NAV2: variants seen among roughly 807,000 people sequenced by gnomAD.
NAV2 encodes the protein neuron navigator 2.
Under a neutral mutation model 223.2 loss-of-function variants are expected in NAV2, and 54 were observed. The ratio of observed to expected loss-of-function variants is 0.24; its 90% CI spans 0.19 to 0.30. The LOEUF is 0.30. Ranked by LOEUF, NAV2 falls within the 10% of genes least tolerant of loss-of-function variation. The pLI is 1.00. For missense variants in NAV2, 2,806 were observed against 3,147.5 expected (o/e 0.89, Z 2.60); for synonymous variants, 1,279 against 1,239.3 (o/e 1.03, Z -0.67).
At chr11:19,974,804 G>T (rs1220540161) in intron 10 of NAV2, among the ~76,000 whole-genome samples, 1 of 152,214 alleles carries the variant, frequency 6.6e-6, no homozygotes, top group East Asian at 1.9e-4. Flanking sequence ...GTGTTGGGGG[G>T]AAGAGGGGAT....
chr11:20,068,264 C>A, intron 21 of NAV2, 55 bp downstream of exon 21: 1 of 1,609,826 alleles, frequency 6.2e-7, no homozygotes, highest in Non-Finnish European at 8.5e-7. Context: ...AATTATTTGA[C>A]CCTGCTCACC....
chr11:19,451,211 C>A (rs1851778364), intron 1 of NAV2, among the ~76,000 whole-genome samples: 1 of 152,118 alleles, frequency 6.6e-6, no homozygotes, highest in Non-Finnish European at 1.5e-5. Context: ...CCCCGTTGTT[C>A]CAAAACCGAG....
chr11:19,601,084 A>T (rs1198339994), intron 1 of NAV2, among the ~76,000 whole-genome samples: 1 of 152,142 alleles, frequency 6.6e-6, no homozygotes, highest in East Asian at 1.9e-4. Context: ...GCTATCTGTC[A>T]TCTCTGTACA....
intron 1 of NAV2, among the ~76,000 whole-genome samples, chr11:19,488,437 G>T (rs763189631): frequency 6.6e-6 from 1 of 152,132 alleles, no homozygotes; most frequent in Non-Finnish European, 1.5e-5. Context: ...CTAAAGCAGC[G>T]CATTATGAAT....
At chr11:19,620,380 T>G (rs1298314851) in intron 1 of NAV2, among the ~76,000 whole-genome samples, 1 of 152,254 alleles carries the variant, frequency 6.6e-6, no homozygotes, top group East Asian at 1.9e-4. Context: ...TATTGATTCT[T>G]CCTATCCGTG....
intron 6 of NAV2, among the ~76,000 whole-genome samples, chr11:19,929,822 G>A (rs912669355): frequency 3.3e-5 from 5 of 152,114 alleles, no homozygotes; most frequent in African/African-American, 9.7e-5. Context: ...GAGTCAGGGC[G>A]GGGAGTCTCT....
intron 10 of NAV2, among the ~76,000 whole-genome samples, chr11:19,976,921 A>G (rs898436419): frequency 6.6e-6 from 1 of 152,212 alleles, no homozygotes; most frequent in Non-Finnish European, 1.5e-5. Flanking sequence ...CTTGAGTGAC[A>G]TAAGGGAAGA....
intron 14 of NAV2, 32 bp downstream of exon 14, chr11:20,045,702 A>G: frequency 6.5e-7 from 1 of 1,529,206 alleles, no homozygotes; most frequent in Non-Finnish European, 9.0e-7. Context: ...GCAGAGCAGA[A>G]CCAGAATACA....
chr11:19,778,410 A>ATAT, intron 1 of NAV2: 1 of 454,960 alleles, frequency 2.2e-6, no homozygotes, highest in Non-Finnish European at 4.4e-6. Flanking sequence ...ATTGCCTGGC[A>ATAT]TATAAAAAGG....
chr11:19,351,115 T>C lies in NAV2; in HGVS notation c.75+88T>C, dbSNP rs1320081219. The C allele has an allele frequency of 4.6e-6, 6 of 1,297,570 alleles. No individual in the cohort carries two copies. In the South Asian group the frequency reaches 5.1e-5, roughly 11 times the overall value. The allele number at this position is 1,297,570 out of a possible 1,614,324, so 80.4% of individuals were successfully genotyped here. A position where few individuals can be genotyped will look rare whatever the true frequency, so the allele number is the denominator to read the frequency against. On this transcript the variant is annotated intron_variant, in intron 1 of 37. Coordinates refer to the NAV2 transcript ENST00000360655. ...GAGCATAGGTGGTCATCATCGAGCA[T>C]GCTTGTCTGTCTTTCTCTCCGGAAG...
intron 11 of NAV2, among the ~76,000 whole-genome samples, chr11:20,004,928 A>T (rs969806737): frequency 6.6e-6 from 1 of 152,176 alleles, no homozygotes; most frequent in African/African-American, 2.4e-5. Context: ...CTTGCTAACC[A>T]GTGAATGACT....
chr11:20,112,254 T>C (rs1416413499), intron 36 of NAV2, among the ~76,000 whole-genome samples: 1 of 152,172 alleles, frequency 6.6e-6, no homozygotes, highest in African/African-American at 2.4e-5. Context: ...GATTCCTTCC[T>C]GCTCACACAA....
chr11:19,670,454 T>C (rs900696350), intron 1 of NAV2, among the ~76,000 whole-genome samples: 7 of 152,214 alleles, frequency 4.6e-5, no homozygotes, highest in African/African-American at 1.7e-4. Flanking sequence ...GTGAAGTGTC[T>C]ACCCTTGCAG....
chr11:20,069,892 G>A (rs779467064), intron 22 of NAV2, among the ~76,000 whole-genome samples: 7 of 152,068 alleles, frequency 4.6e-5, no homozygotes, highest in African/African-American at 4.8e-5. Context: ...CTTTAAGGTC[G>A]GCATGTGACA....
intron 17 of NAV2, among the ~76,000 whole-genome samples, chr11:20,053,574 C>T (rs1054734673): frequency 2.0e-5 from 3 of 152,192 alleles, no homozygotes; most frequent in African/African-American, 7.2e-5. Flanking sequence ...TTTGTTTGTG[C>T]TCTATTACAG....
intron 11 of NAV2, among the ~76,000 whole-genome samples, chr11:19,995,822 G>A (rs1219848922): frequency 2.6e-5 from 4 of 152,190 alleles, no homozygotes; most frequent in Non-Finnish European, 5.9e-5. Context: ...TAACTGAATT[G>A]TTTTTATTTT....
intron 8 of NAV2, among the ~76,000 whole-genome samples, chr11:19,944,701 CTTCT>C (rs1398929249): frequency 3.4e-5 from 4 of 118,128 alleles, no homozygotes; most frequent in African/African-American, 1.4e-4. Flanking sequence ...TTCTTTCTTC[CTTCT>C]TTCCTTCCTT....
chr11:20,001,657 AG>A (rs1268481629), intron 11 of NAV2, among the ~76,000 whole-genome samples: 1 of 136,376 alleles, frequency 7.3e-6, no homozygotes, highest in Non-Finnish European at 1.5e-5. Context: ...TTGAACAATG[AG>A]AACACTCGGA....
intron 37 of NAV2, 111 bp from the exon 38 acceptor site, chr11:20,118,022 G>C (rs1006935783): frequency 4.8e-6 from 6 of 1,248,080 alleles, no homozygotes; most frequent in Non-Finnish European, 6.7e-6. Flanking sequence ...TGCCTCCACT[G>C]TGGGCTGTTA....
Sources: gnomAD v4.1 joint callset for allele counts (sites outside exome capture counted in the v4.1 genomes callset) on GRCh38, gnomAD v4.1.1 for gene constraint, MANE v1.5 for transcripts, NCBI Gene and HGNC (gene_info 2026-07-23, HGNC 2026-07-21) for gene names.